Variants in MEGF8 observed in about 807,000 individuals in gnomAD.
MEGF8 encodes the protein multiple EGF like domains 8.
A neutral mutation model predicts 302.9 loss-of-function variants in MEGF8; 156 were observed. The observed-to-expected ratio is 0.52, with a 90% CI of 0.45 to 0.59. The LOEUF (loss-of-function observed/expected upper bound fraction) is 0.59. Ranked by LOEUF, MEGF8 falls within the 20% of genes least tolerant of loss-of-function variation. The probability of loss-of-function intolerance (pLI) is 0.00; values close to 1 mark genes in which losing one functional copy is unlikely to be tolerated. For missense variants in MEGF8, 3,345 were observed against 3,964.5 expected (o/e 0.84, Z 4.20); for synonymous variants, 1,621 against 1,660.5 (o/e 0.98, Z 0.58).
chr19:42,326,082 C>CGTACCCT lies in MEGF8; in HGVS notation c.-161_-155dup. 1 of 1,202,550 alleles carries CGTACCCT rather than the reference C, an allele frequency of 8.3e-7. No homozygotes were observed. The highest frequency in any genetic ancestry group is 1.6e-5 in the African/African-American group (1 of 62,164). 74.5% of individuals were successfully genotyped at this position (1,202,550 alleles called of 1,614,324 possible). ...GCTTCCAGAGCCTGTCAGCAGTGGC[C>CGTACCCT]GTACCCTTCGCCGGGACTGCCGGGT... On this transcript the variant is annotated 5_prime_UTR_variant, in exon 1 of 42. It removes the in-frame stop codon of an upstream open reading frame in the 5' UTR. Transcript: ENST00000251268.
Position 42,351,378 on chromosome 19 carries a change from G to A in MEGF8, c.2855+44G>A. On this transcript the variant is annotated intron_variant, in intron 16 of 41. Coordinates refer to ENST00000251268, the MANE Select transcript of MEGF8 (RefSeq NM_001271938.2). The surrounding 1 kb of genome is among the most constrained non-coding windows in gnomAD (Gnocchi z 5.6). ...AGGGAGTGGGTGGGTGGATGTGCCTGGGGATGTGTGCTGGCTGTGGAGTGA... is the reference window on the plus strand; with the variant it reads ...AGGGAGTGGGTGGGTGGATGTGCCTAGGGATGTGTGCTGGCTGTGGAGTGA... 5 of 1,572,004 alleles carry A rather than the reference G, an allele frequency of 3.2e-6. No homozygotes were observed. In the East Asian group the frequency reaches 1.2e-4, roughly 37 times the overall value.
At position 42,353,937 on chromosome 19, in the gene MEGF8, C is replaced by T; in HGVS notation, c.3924C>T (p.Ala1308=). The T allele has an allele frequency of 6.3e-7, 1 of 1,586,174 alleles. No individual in the cohort carries two copies. The highest frequency in any genetic ancestry group is 2.3e-5 in the East Asian group (1 of 43,166). ...CCTACTGTGTGTGGGTTGTCTCGGCCACTGAGGAGCTACAGCCCTGTGCTC... is the reference window on the plus strand; with the variant it reads ...CCTACTGTGTGTGGGTTGTCTCGGCTACTGAGGAGCTACAGCCCTGTGCTC... ...GLSYCVWVVS[A]TEELQPCAPG... Residue 1308 remains alanine, a synonymous_variant, in exon 22 of 42, where the codon GCC becomes GCT. Transcript: ENST00000251268. This position sits in a 1 kb window ranked among gnomAD's most constrained non-coding sequence, Gnocchi z 6.1.
chr19:42,378,581 C>G lies in MEGF8; in HGVS notation c.*1806C>G, dbSNP rs539863017. 15 of 153,942 alleles carry G rather than the reference C, an allele frequency of 9.7e-5. No homozygotes were observed. The highest frequency in any genetic ancestry group is 3.6e-4 in the African/African-American group (15 of 41,580). The allele number at this position is 153,942 out of a possible 1,614,324, so 9.5% of individuals were successfully genotyped here. A position where few individuals can be genotyped will look rare whatever the true frequency, so the allele number is the denominator to read the frequency against. On this transcript the variant is annotated 3_prime_UTR_variant, in exon 42 of 42. Coordinates refer to ENST00000251268, the MANE Select transcript of MEGF8 (RefSeq NM_001271938.2). ...CTTCTACCCTAGCTGTCTTCTTGAA[C>G]TTGGGACTCTCCTTTCCCAAGACTT...
rs545900929 is a variant in MEGF8, at chr19:42,371,575, A to G, written c.7269+93A>G. On this transcript the variant is annotated intron_variant, in intron 41 of 41. Transcript: ENST00000251268. ...GTAGCCAGGCTCGGGCAGGACTGAC[A>G]ACATGGTTCCAAATCAGTGGTTTTG... 616 of 1,538,284 alleles carry G rather than the reference A, an allele frequency of 4.0e-4. 2 individuals are homozygous for G. In the African/African-American group the frequency reaches 7.6e-3, roughly 19 times the overall value.
rs1440298153 is a variant in MEGF8 at position 42,375,458 on chromosome 19, T to C, written c.7270-49T>C. 13 of 1,494,676 alleles carry C rather than the reference T, an allele frequency of 8.7e-6. No individual in the cohort carries two copies. The highest frequency in any genetic ancestry group is 9.0e-6 in the Non-Finnish European group (10 of 1,115,760). The allele number at this position is 1,494,676 out of a possible 1,614,324, so 92.6% of individuals were successfully genotyped here. On this transcript the variant is annotated intron_variant, in intron 41 of 41. Transcript: ENST00000251268. This position sits in a 1 kb window ranked among gnomAD's most constrained non-coding sequence, Gnocchi z 7.1. ...CGTCACTGCTGCTTGGGGGACAGGC[T>C]GGCACCGCACTCAGCCCTGATGGTC...
At chr19:42,343,808 C>T (rs2039248527) in intron 9 of MEGF8, 146 bp from the exon 10 acceptor site, 1 of 1,368,648 alleles carries the variant, frequency 7.3e-7, no homozygotes, top group African/African-American at 1.5e-5. Context: ...GTCCCTGGGC[C>T]TGGGGGAGGA....
intron 15 of MEGF8, among the ~76,000 whole-genome samples, chr19:42,350,975 A>G (rs1329077152): frequency 6.6e-6 from 1 of 152,142 alleles, no homozygotes; most frequent in African/African-American, 2.4e-5. Flanking sequence ...TGAGGATTGA[A>G]TAAGCCCCAC....
At position 42,358,923 on chromosome 19, in the gene MEGF8, T is replaced by C. The variant is rs1303112911; in HGVS notation, c.5312T>C (p.Phe1771Ser). ...GCTGCTCTTGCTGGTACAGGAGGTT[T>C]CCTGGAGGAAATCTCACCTCACCTG... is the stretch of plus-strand genomic sequence containing the variant. ...LWAALAGTGG[F>S]LEEISPHLKE... Residue 1771 changes from phenylalanine to serine, a missense_variant, in exon 30 of 42, where the codon TTC becomes TCC. Transcript: ENST00000251268. This position sits in a 1 kb window ranked among gnomAD's most constrained non-coding sequence, Gnocchi z 4.4. 2.5e-6 allele frequency: 4 copies of C among 1,611,624 alleles called. No homozygotes were observed. Among genetic ancestry groups the C allele is most frequent in the Non-Finnish European group, 3.4e-6 (4 of 1,179,102 alleles).
chr19:42,326,470 A>G lies in MEGF8; in HGVS notation c.187+40A>G, dbSNP rs547127607. On this transcript the variant is annotated intron_variant, in intron 1 of 41. Transcript: ENST00000251268. ...GTGGGTCACTCACTAATTCGCTGGT[A>G]GTTCATTCATGTGTGCATTCATCCA... 516 of 1,493,856 alleles carry G rather than the reference A, an allele frequency of 3.5e-4. 6 individuals are homozygous for G. In the South Asian group the frequency reaches 6.5e-3, roughly 19 times the overall value. 92.5% of individuals were successfully genotyped at this position (1,493,856 alleles called of 1,614,324 possible). A position where few individuals can be genotyped will look rare whatever the true frequency, so the allele number is the denominator to read the frequency against.
Position 42,353,184 on chromosome 19 carries a change from G to C in MEGF8, c.3550+57G>C. The C allele has an allele frequency of 6.9e-7, 1 of 1,458,112 alleles. No individual in the cohort carries two copies. The highest frequency in any genetic ancestry group is 9.1e-7 in the Non-Finnish European group (1 of 1,093,872). The allele number at this position is 1,458,112 out of a possible 1,614,324, so 90.3% of individuals were successfully genotyped here. On this transcript the variant is annotated intron_variant, in intron 20 of 41. Coordinates refer to ENST00000251268, the MANE Select transcript of MEGF8 (RefSeq NM_001271938.2). This position sits in a 1 kb window ranked among gnomAD's most constrained non-coding sequence, Gnocchi z 6.1. The stretch of plus-strand genomic sequence containing the variant: ...ACCCAGGGAGCCTCCTCCCTTCTTG[G>C]GGCTCCAGTTTGCTCTTCTTGGAGG...
At chr19:42,363,522 G>C (rs1488601805) in intron 35 of MEGF8, among the ~76,000 whole-genome samples, 2 of 152,062 alleles carry the variant, frequency 1.3e-5, no homozygotes, top group Non-Finnish European at 2.9e-5. Context: ...TCCAACTCTT[G>C]TCCATGGTAT....
chr19:42,358,112 C>A lies in MEGF8; in HGVS notation c.5012-32C>A. ...GCGGGGTCAGTGCTGTTGTCAGCCC[C>A]TCCCCCAGCCTGTCACCCTGCCCCT... On this transcript the variant is annotated intron_variant, in intron 28 of 41. Coordinates refer to ENST00000251268, the MANE Select transcript of MEGF8 (RefSeq NM_001271938.2). The surrounding 1 kb of genome is among the most constrained non-coding windows in gnomAD (Gnocchi z 4.4). 6.7e-7 allele frequency: 1 copy of A among 1,502,526 alleles called. No homozygotes were observed. 93.1% of individuals were successfully genotyped at this position (1,502,526 alleles called of 1,614,324 possible).
chr19:42,338,215 G>A (rs992306032), intron 8 of MEGF8, among the ~76,000 whole-genome samples: 4 of 151,996 alleles, frequency 2.6e-5, no homozygotes, highest in Non-Finnish European at 4.4e-5. Context: ...CAGGTATTAA[G>A]CCTAGTACCC....
chr19:42,352,409 C>T lies in MEGF8; in HGVS notation c.3303C>T (p.His1101=), dbSNP rs2039388848. Residue 1101 remains histidine, a synonymous_variant, in exon 19 of 42, where the codon CAC becomes CAT. Coordinates refer to ENST00000251268, the MANE Select transcript of MEGF8 (RefSeq NM_001271938.2). This position sits in a 1 kb window ranked among gnomAD's most constrained non-coding sequence, Gnocchi z 4.4. ...CLNTPLSYEC[H]CQRGYQGDGI... ...ACACGCCCCTCAGCTACGAGTGTCA[C>T]TGCCAGCGGGGCTACCAGGGTGATG... 6 of 1,599,268 alleles carry T rather than the reference C, an allele frequency of 3.8e-6. No homozygotes were observed. Among genetic ancestry groups the T allele is most frequent in the Non-Finnish European group, 5.1e-6 (6 of 1,173,434 alleles).
chr19:42,376,413 C>T lies in MEGF8; in HGVS notation c.8176C>T (p.Arg2726Cys), dbSNP rs141224456. ...GGCTGGGCTCCCACCTCCCGCCTTC[C>T]GCCGCTCTGAGCCCTTCCTGGCACC... ...KPAGLPPPAF[R>C]RSEPFLAPLL... Residue 2726 changes from arginine (R) to cysteine (C), a missense_variant, in exon 42 of 42, where the codon CGC becomes TGC. Physicochemically the swap from Arg to Cys is radical, Grantham distance 180. Coordinates refer to ENST00000251268, the MANE Select transcript of MEGF8 (RefSeq NM_001271938.2). This position sits in a 1 kb window ranked among gnomAD's most constrained non-coding sequence, Gnocchi z 8.2. The T allele has an allele frequency of 2.1e-3, 3,454 of 1,612,740 alleles. 6 individuals carry two copies. The highest frequency in any genetic ancestry group is 2.8e-3 in the Middle Eastern group (17 of 6,062).
chr19:42,370,140 C>G (rs1368701627), intron 38 of MEGF8, 49 bp from the exon 39 acceptor site: 4 of 1,561,704 alleles, frequency 2.6e-6, no homozygotes, highest in Middle Eastern at 2.2e-4. Flanking sequence ...CGCCCTCCTA[C>G]CCCTGATGAC....
In MEGF8 at chr19:42,356,828, G is replaced by A. The variant is rs764204747; in HGVS notation, c.4677G>A (p.Gly1559=). 6.4e-7 allele frequency: 1 copy of A among 1,561,518 alleles called. No individual in the cohort carries two copies. Among genetic ancestry groups the A allele is most frequent in the South Asian group, 1.2e-5 (1 of 84,874 alleles). The change falls in exon 27 of 42, where the codon GGG becomes GGA. Residue 1559 remains glycine (G), a synonymous_variant. Transcript: ENST00000251268. This position sits in a 1 kb window ranked among gnomAD's most constrained non-coding sequence, Gnocchi z 5.2. ...WTQMLAGAED[G]GPGPSPRSFH... Reference sequence around the variant, plus strand: ...AGATGCTGGCGGGAGCCGAGGACGGGGGCCCAGGCCCATCGCCCCGCTCCT... The same window carrying A: ...AGATGCTGGCGGGAGCCGAGGACGGAGGCCCAGGCCCATCGCCCCGCTCCT...
chr19:42,329,844 C>T (rs2039032655), intron 1 of MEGF8, among the ~76,000 whole-genome samples: 1 of 151,162 alleles, frequency 6.6e-6, no homozygotes, highest in African/African-American at 2.4e-5. Context: ...TATACTCCAG[C>T]CTGGGCAGCA....
In MEGF8 at chr19:42,353,022, A is replaced by C. The variant is rs2147479061; in HGVS notation, c.3445A>C (p.Thr1149Pro). The change falls in exon 20 of 42, where the codon ACA becomes CCA. Residue 1149 changes from threonine to proline, a missense_variant. Physicochemically the swap from Thr to Pro is conservative, Grantham distance 38. Transcript: ENST00000251268. The surrounding 1 kb of genome is among the most constrained non-coding windows in gnomAD (Gnocchi z 6.1). Reference protein sequence around the residue: ...LGWTSDLPPPTPAPGPPAPRC... With the variant: ...LGWTSDLPPPPPAPGPPAPRC... ...CTGGACATCAGACCTGCCCCCTCCCACACCCGCCCCGGGTCCGCCAGCCCC... is the reference window on the plus strand; with the variant it reads ...CTGGACATCAGACCTGCCCCCTCCCCCACCCGCCCCGGGTCCGCCAGCCCC... 6.4e-7 allele frequency: 1 copy of C among 1,559,080 alleles called. No homozygotes were observed. The highest frequency in any genetic ancestry group is 8.7e-7 in the Non-Finnish European group (1 of 1,152,042).
Sources: allele counts gnomAD v4.1 joint callset (sites outside exome capture counted in the v4.1 genomes callset), GRCh38; gene constraint gnomAD v4.1.1; non-coding constraint Gnocchi (gnomAD v3.1); transcripts MANE v1.5; gene names NCBI Gene and HGNC (gene_info 2026-07-23, HGNC 2026-07-21).